The following CNTNAP2 variants were observed in gnomAD, a reference collection of about 807,000 sequenced individuals.
CNTNAP2 encodes contactin-associated protein-like 2.
Under a neutral mutation model 155.2 loss-of-function variants are expected in CNTNAP2, and 98 were observed. That is an observed-to-expected ratio of 0.63 (90% CI 0.54 to 0.75). The LOEUF is 0.75. CNTNAP2 is among the 30% of genes least tolerant of loss of function. The pLI is 0.00. For synonymous variants in CNTNAP2, 651 were observed against 631.2 expected, an observed-to-expected ratio of 1.03 and a Z score of -0.47; for missense variants, 1,727 against 1,688.1, an observed-to-expected ratio of 1.02 and a Z score of -0.40.
intron 1 of CNTNAP2, among the ~76,000 whole-genome samples, chr7:146,337,737 G>C (rs1378688250): frequency 7.9e-5 from 12 of 152,052 alleles, no homozygotes; most frequent in Non-Finnish European, 1.5e-5. Context: ...CTCCCAAAGT[G>C]CTGGGATTAC....
At chr7:147,409,334 A>G (rs1035929978) in intron 10 of CNTNAP2, among the ~76,000 whole-genome samples, 9 of 152,266 alleles carry the variant, frequency 5.9e-5, no homozygotes, top group Non-Finnish European at 1.2e-4. Context: ...GTGCTGGGAT[A>G]ACTGGCTAGC....
chr7:146,722,203 A>C (rs1292264409), intron 1 of CNTNAP2, among the ~76,000 whole-genome samples: 1 of 151,838 alleles, frequency 6.6e-6, no homozygotes, highest in East Asian at 1.9e-4. Context: ...CTGTGTAAAC[A>C]TATTAAACGA....
At chr7:147,560,578 C>T (rs1321197654) in intron 11 of CNTNAP2, among the ~76,000 whole-genome samples, 1 of 151,964 alleles carries the variant, frequency 6.6e-6, no homozygotes, top group Non-Finnish European at 1.5e-5. Flanking sequence ...AGCTTTCTAG[C>T]CCCATCCTCT....
Position 146,546,149 on chromosome 7 carries a change from G to A in CNTNAP2, c.98-228122G>A, listed in dbSNP as rs114327286. Among the ~76,000 whole-genome samples, 990 of 151,964 alleles carry A rather than the reference G, an allele frequency of 6.5e-3. 10 individuals are homozygous for A. Among genetic ancestry groups the A allele is most frequent in the African/African-American group, 0.023 (943 of 41,486 alleles). The stretch of plus-strand genomic sequence containing the variant: ...AACATTTCAAGTTGAAAAGTTTGAG[G>A]CCATGGTATGTGTATTTGTGTGTGT... On this transcript the variant is annotated intron_variant, in intron 1 of 23. Coordinates refer to ENST00000361727, the MANE Select transcript of CNTNAP2 (RefSeq NM_014141.6).
chr7:146,246,113 T>C (rs1401018022), intron 1 of CNTNAP2, among the ~76,000 whole-genome samples: 2 of 151,944 alleles, frequency 1.3e-5, no homozygotes, highest in East Asian at 1.9e-4. Flanking sequence ...TTTCAAAGCA[T>C]GCTATGGGAT....
rs202084524 is a variant in CNTNAP2, at chr7:146,678,968, CTT to C, written c.98-95300_98-95299del. Among the ~76,000 whole-genome samples the C allele has an allele frequency of 5.4e-3, 827 of 152,230 alleles. 4 individuals carry two copies. Among genetic ancestry groups the C allele is most frequent in the African/African-American group, 0.019 (789 of 41,536 alleles). ...CTTGAGTATTTGACTCATCATGTCA[CTT>C]TTCAGGATTGTCTTTCTTTTTCAGG... On this transcript the variant is annotated intron_variant, in intron 1 of 23. Coordinates refer to ENST00000361727, the MANE Select transcript of CNTNAP2 (RefSeq NM_014141.6).
At chr7:147,054,363 C>T (rs1799523146) in intron 4 of CNTNAP2, among the ~76,000 whole-genome samples, 1 of 152,102 alleles carries the variant, frequency 6.6e-6, no homozygotes, top group African/African-American at 2.4e-5. Flanking sequence ...GCTTTAATTG[C>T]ATTTTGGTGC....
At chr7:147,327,251 A>G (rs1795477861) in intron 9 of CNTNAP2, among the ~76,000 whole-genome samples, 1 of 152,208 alleles carries the variant, frequency 6.6e-6, no homozygotes, top group Non-Finnish European at 1.5e-5. Flanking sequence ...TGATAGCCCT[A>G]GCTGCTGGCT....
chr7:146,721,436 TCTATATATACATTCTATATAC>T lies in CNTNAP2; in HGVS notation c.98-52834_98-52814del, dbSNP rs1436611984. Among the ~76,000 whole-genome samples, 1,220 of 127,642 alleles carry T rather than the reference TCTATATATACATTCTATATAC, an allele frequency of 9.6e-3. 38 individuals are homozygous for T. The highest frequency in any genetic ancestry group is 0.036 in the African/African-American group (1,164 of 32,534). The allele number at this position is 127,642 out of a possible 152,430, so 83.7% of individuals were successfully genotyped here. On this transcript the variant is annotated intron_variant, in intron 1 of 23. Transcript: ENST00000361727. The stretch of plus-strand genomic sequence containing the variant: ...TTCTATATATACATTCTATATATAT[TCTATATATACATTCTATATAC>T]ATTTTATATACATTCTATATATATT...
At chr7:147,742,724 A>T (rs924742458) in intron 13 of CNTNAP2, among the ~76,000 whole-genome samples, 1 of 152,222 alleles carries the variant, frequency 6.6e-6, no homozygotes, top group Non-Finnish European at 1.5e-5. Flanking sequence ...CTTGGAAAAT[A>T]TATCTTAAAC....
rs1797976499 is a variant in CNTNAP2, at chr7:147,459,329, A to G, written c.1671-26606A>G. Among the ~76,000 whole-genome samples, 4 of 152,144 alleles carry G rather than the reference A, an allele frequency of 2.6e-5. No homozygotes were observed. The South Asian group carries it at 8.3e-4, about 31-fold the overall frequency. ...GCTGAGAAAGCTGCCTTGTACCTCC[A>G]GTTCTATGATTTCACTCTGGATACT... On this transcript the variant is annotated intron_variant, in intron 10 of 23. Transcript: ENST00000361727.
intron 5 of CNTNAP2, among the ~76,000 whole-genome samples, chr7:147,117,221 C>A (rs1801009529): frequency 6.6e-6 from 1 of 152,224 alleles, no homozygotes; most frequent in African/African-American, 2.4e-5. Flanking sequence ...TGTCTCTGTG[C>A]ATGATTGAGC....
chr7:146,487,618 G>A lies in CNTNAP2; in HGVS notation c.98-286653G>A, dbSNP rs998319373. Among the ~76,000 whole-genome samples the A allele has an allele frequency of 2.0e-5, 3 of 152,304 alleles. No individual in the cohort carries two copies. In the East Asian group the frequency reaches 5.8e-4, roughly 29 times the overall value. ...CCACAGCAAACTGAGAAAAGAAAATGAACATGAGATAGTTGACATTCAGAA... is the reference window on the plus strand; with the variant it reads ...CCACAGCAAACTGAGAAAAGAAAATAAACATGAGATAGTTGACATTCAGAA... On this transcript the variant is annotated intron_variant, in intron 1 of 23. Transcript: ENST00000361727.
At chr7:147,033,599 T>C (rs1414138937) in intron 3 of CNTNAP2, among the ~76,000 whole-genome samples, 1 of 151,932 alleles carries the variant, frequency 6.6e-6, no homozygotes, top group Non-Finnish European at 1.5e-5. Flanking sequence ...CTATGAAATG[T>C]AGATAGATGG....
intron 1 of CNTNAP2, among the ~76,000 whole-genome samples, chr7:146,667,490 T>TA (rs1389639063): frequency 1.3e-5 from 2 of 152,136 alleles, no homozygotes; most frequent in African/African-American, 4.8e-5. Context: ...ATTTTAGGAT[T>TA]TTTTTTCTAT....
At chr7:147,203,910 T>A (rs573299185) in intron 8 of CNTNAP2, among the ~76,000 whole-genome samples, 1 of 152,064 alleles carries the variant, frequency 6.6e-6, no homozygotes, top group Non-Finnish European at 1.5e-5. Flanking sequence ...TTAGATCTGA[T>A]AATTAACGTA....
intron 15 of CNTNAP2, among the ~76,000 whole-genome samples, chr7:148,098,444 G>GAA (rs61014019): frequency 0.13 from 7,160 of 56,380 alleles, 1,966 homozygotes; most frequent in East Asian, 0.35. Context: ...CTCTGTCTCA[G>GAA]AAAAAAAAAA....
intron 3 of CNTNAP2, among the ~76,000 whole-genome samples, chr7:146,986,380 G>C (rs773173426): frequency 6.6e-6 from 1 of 151,978 alleles, no homozygotes; most frequent in Non-Finnish European, 1.5e-5. Flanking sequence ...TATGTACACC[G>C]CAGTTTCTTT....
chr7:147,002,907 G>A (rs1402573088), intron 3 of CNTNAP2, among the ~76,000 whole-genome samples: 1 of 94,788 alleles, frequency 1.1e-5, no homozygotes, highest in Non-Finnish European at 2.1e-5. Context: ...AATTTTGGGG[G>A]ACACAAACAT....
Sources: gnomAD v4.1 joint callset for allele counts (sites outside exome capture counted in the v4.1 genomes callset) on GRCh38, gnomAD v4.1.1 for gene constraint, MANE v1.5 for transcripts, NCBI Gene and HGNC (gene_info 2026-07-23, HGNC 2026-07-21) for gene names.